TARS1: variants seen among roughly 807,000 people sequenced by gnomAD.
TARS1 encodes threonyl-tRNA synthetase 1.
In TARS1, 57 loss-of-function variants were observed where a neutral mutation model predicts 97.7. The observed-to-expected ratio is 0.58, with a 90% CI of 0.47 to 0.73. The LOEUF (loss-of-function observed/expected upper bound fraction) is 0.73, where lower values mean the gene tolerates loss of function less well. TARS1 is among the 30% of genes least tolerant of loss of function. The pLI is 0.00. For missense variants in TARS1, 806 were observed against 888.3 expected (o/e 0.91, Z 1.18); for synonymous variants, 312 against 293.7 (o/e 1.06, Z -0.64).
upstream of TARS1, chr5:33,440,715 T>G (rs1264448854): frequency 4.5e-6 from 2 of 441,904 alleles, no homozygotes; most frequent in African/African-American, 2.0e-5. Context: ...CCACATAAAG[T>G]CAGAAGGGAG....
chr5:33,443,742 G>T (rs979611369), intron 1 of TARS1, among the ~76,000 whole-genome samples: 1 of 151,912 alleles, frequency 6.6e-6, no homozygotes. Flanking sequence ...TGATCTGCCC[G>T]CCTCGGCCTC....
chr5:33,461,985 G>A lies in TARS1; in HGVS notation c.1709G>A (p.Arg570Lys). The A allele has an allele frequency of 1.9e-6, 3 of 1,613,992 alleles. No homozygotes were observed. The highest frequency in any genetic ancestry group is 2.2e-5 in the South Asian group (2 of 91,066). Residue 570 changes from arginine (R) to lysine (K), a missense_variant, in exon 15 of 19, where the codon AGA (arginine) becomes AAA (lysine). By Grantham distance (26) the Arg-to-Lys change is conservative (BLOSUM62 2). Coordinates refer to ENST00000265112, the MANE Select transcript of TARS1 (RefSeq NM_152295.5). ...TIQLDFQLPI[R>K]FNLTYVSHDG... Reference sequence around the variant, plus strand: ...CAGCTGGATTTCCAGTTGCCCATCAGATTTAATCTTACTTATGTAAGGTGA... The same window carrying A: ...CAGCTGGATTTCCAGTTGCCCATCAAATTTAATCTTACTTATGTAAGGTGA...
intron 1 of TARS1, among the ~76,000 whole-genome samples, chr5:33,444,927 T>A (rs1428979049): frequency 6.6e-6 from 1 of 151,910 alleles, no homozygotes; most frequent in African/African-American, 2.4e-5. Flanking sequence ...TTAGCACTGG[T>A]GGAATTCATG....
At position 33,461,761 on chromosome 5, in the gene TARS1, A is replaced by T. The variant is rs1446439148; in HGVS notation, c.1629+17A>T. The T allele has an allele frequency of 6.2e-7, 1 of 1,609,242 alleles. No homozygotes were observed. Among genetic ancestry groups the T allele is most frequent in the South Asian group, 1.1e-5 (1 of 90,334 alleles). On this transcript the variant is annotated intron_variant, in intron 14 of 18. Transcript: ENST00000265112. ...GGCCCAAAGGTGAGCACTAAAGTAC[A>T]TTTGGGTAATATGATTTTCACTTGT...
intron 2 of TARS1, 81 bp downstream of exon 2, chr5:33,445,485 A>G (rs1741368759): frequency 1.2e-5 from 14 of 1,212,416 alleles, no homozygotes; most frequent in Non-Finnish European, 1.7e-5. Flanking sequence ...CCTAATGTGT[A>G]AGGGTTCTAA....
intron 4 of TARS1, among the ~76,000 whole-genome samples, 182 bp downstream of exon 4, chr5:33,453,594 AG>A (rs1275979769): frequency 1.3e-5 from 2 of 152,222 alleles, no homozygotes; most frequent in Non-Finnish European, 2.9e-5. Context: ...TAGAAAATAA[AG>A]GGGTGAAGCT....
intron 9 of TARS1, 21 bp downstream of exon 9, chr5:33,457,424 G>A (rs372379689): frequency 5.6e-6 from 9 of 1,604,060 alleles, no homozygotes; most frequent in Non-Finnish European, 7.7e-6. Flanking sequence ...GAACAATGAT[G>A]TGTCTTGACT....
At position 33,460,974 on chromosome 5, in the gene TARS1, T is replaced by C; in HGVS notation, c.1323T>C (p.His441=). ...PLRLADFGVL[H]RNELSGALTG... ...GGCTAGCTGATTTTGGGGTACTTCA[T>C]AGGAACGAGCTGTCTGGAGCACTCA... Residue 441 remains histidine (H), a synonymous_variant, in exon 12 of 19, where the codon CAT becomes CAC. Coordinates refer to ENST00000265112, the MANE Select transcript of TARS1 (RefSeq NM_152295.5). 1 of 1,614,182 alleles carries C rather than the reference T, an allele frequency of 6.2e-7. No individual in the cohort carries two copies. Among genetic ancestry groups the C allele is most frequent in the South Asian group, 1.1e-5 (1 of 91,082 alleles).
At chr5:33,458,541 A>G (rs1409264740) in intron 9 of TARS1, 25 bp from the exon 10 acceptor site, 1 of 1,594,736 alleles carries the variant, frequency 6.3e-7, no homozygotes, top group Non-Finnish European at 8.6e-7. Flanking sequence ...GTACATAAAC[A>G]TTCTTTTGCT....
At chr5:33,448,864 T>C in intron 3 of TARS1, 133 bp downstream of exon 3, 2 of 713,590 alleles carry the variant, frequency 2.8e-6, no homozygotes. Context: ...TAATTTTGCC[T>C]ACTTGAGATT....
upstream of TARS1, chr5:33,440,942 G>A (rs1741052543): frequency 3.5e-6 from 3 of 866,532 alleles, no homozygotes; most frequent in Non-Finnish European, 5.4e-6. Flanking sequence ...CCGCAAGTTG[G>A]GGGCGGGGTT....
chr5:33,452,556 A>G (rs1741797403), intron 3 of TARS1: 1 of 743,634 alleles, frequency 1.3e-6, no homozygotes, highest in Non-Finnish European at 2.2e-6. Context: ...ACTTGATGAT[A>G]CTTTATGTTC....
Position 33,443,306 on chromosome 5 carries a change from C to CTCTCTCT in TARS1, c.58-2018_58-2017insTCTCTCT, listed in dbSNP as rs1561066108. Among the ~76,000 whole-genome samples the CTCTCTCT allele has an allele frequency of 3.7e-4, 32 of 85,548 alleles. 1 individual carries two copies. The highest frequency in any genetic ancestry group is 1.3e-3 in the East Asian group (2 of 1,548). The allele number at this position is 85,548 out of a possible 152,430, so 56.1% of individuals were successfully genotyped here. On this transcript the variant is annotated intron_variant, in intron 1 of 18. Transcript: ENST00000265112. Reference sequence around the variant, plus strand: ...AACCAGAAAACCTTTGTGGTGATTCCCTCTCTCTCTCTCCCTCTCTCTCTC... The same window carrying CTCTCTCT: ...AACCAGAAAACCTTTGTGGTGATTCCTCTCTCTCTCTCTCTCTCTCCCTCTCTCTCTC...
At chr5:33,463,651 A>G (rs1709947099) in intron 16 of TARS1, 102 bp from the exon 17 acceptor site, 1 of 1,025,052 alleles carries the variant, frequency 9.8e-7, no homozygotes. Context: ...TAGTCGTTAC[A>G]TGTTCCAGGA....
chr5:33,455,954 A>G (rs750780482), intron 6 of TARS1, 48 bp from the exon 7 acceptor site: 3 of 1,551,342 alleles, frequency 1.9e-6, no homozygotes, highest in Non-Finnish European at 2.7e-6. Flanking sequence ...ACTTAGAAGT[A>G]AAAATTAAAG....
intron 9 of TARS1, 31 bp from the exon 10 acceptor site, chr5:33,458,535 A>G (rs745926430): frequency 1.9e-6 from 3 of 1,587,342 alleles, no homozygotes; most frequent in African/African-American, 1.4e-5. Flanking sequence ...CGTGACGTAC[A>G]TAAACATTCT....
chr5:33,444,691 T>C (rs887559420), intron 1 of TARS1, among the ~76,000 whole-genome samples: 1 of 152,256 alleles, frequency 6.6e-6, no homozygotes, highest in Non-Finnish European at 1.5e-5. Flanking sequence ...AACAAGCTTA[T>C]GTGTACACAT....
At chr5:33,445,454 C>T in intron 2 of TARS1, 50 bp downstream of exon 2, 2 of 1,537,664 alleles carry the variant, frequency 1.3e-6, no homozygotes, top group Non-Finnish European at 9.0e-7. Flanking sequence ...TGGCAAATCG[C>T]AGGGAACTTT....
intron 5 of TARS1, 73 bp downstream of exon 5, chr5:33,455,139 A>G: frequency 1.9e-6 from 3 of 1,567,246 alleles, no homozygotes; most frequent in Non-Finnish European, 2.6e-6. Context: ...AAGAGTTCTC[A>G]GTAAGGGAGG....
Sources: gnomAD v4.1 joint callset for allele counts (sites outside exome capture counted in the v4.1 genomes callset) on GRCh38, gnomAD v4.1.1 for gene constraint, MANE v1.5 for transcripts, NCBI Gene and HGNC (gene_info 2026-07-23, HGNC 2026-07-21) for gene names.